Variants in CNTNAP2 observed in about 807,000 individuals in gnomAD.
The protein encoded by CNTNAP2 is contactin-associated protein-like 2.
In CNTNAP2, 98 loss-of-function variants were observed where a neutral mutation model predicts 155.2. The observed-to-expected ratio is 0.63, with a 90% CI of 0.54 to 0.75. CNTNAP2 has a LOEUF of 0.75. Among genes scored for constraint, CNTNAP2 ranks in the 30% least tolerant of loss-of-function variants. CNTNAP2 has a pLI of 0.00. For missense variants in CNTNAP2, 1,727 were observed against 1,688.1 expected (o/e 1.02, Z -0.40); for synonymous variants, 651 against 631.2 (o/e 1.03, Z -0.47).
At chr7:146,478,537 G>A (rs1338183236) in intron 1 of CNTNAP2, among the ~76,000 whole-genome samples, 1 of 151,826 alleles carries the variant, frequency 6.6e-6, no homozygotes, top group Admixed American at 6.6e-5. Context: ...AGGTTAATTT[G>A]ACTAAATATA....
At position 147,872,008 on chromosome 7, in the gene CNTNAP2, C is replaced by T. The variant is rs148768554; in HGVS notation, c.2099-31557C>T. Among the ~76,000 whole-genome samples the T allele has an allele frequency of 5.1e-3, 769 of 152,206 alleles. 1 individual carries two copies. Among genetic ancestry groups the T allele is most frequent in the Middle Eastern group, 0.017 (5 of 294 alleles). On this transcript the variant is annotated intron_variant, in intron 13 of 23. Coordinates refer to ENST00000361727, the MANE Select transcript of CNTNAP2 (RefSeq NM_014141.6). ...TGAGTGAAATTGATTTTTAAATTAC[C>T]ACTGTCCCTAGCAGGAAAAAGCCAG...
At chr7:147,916,570 A>T (rs1239045470) in intron 14 of CNTNAP2, among the ~76,000 whole-genome samples, 1 of 140,196 alleles carries the variant, frequency 7.1e-6, no homozygotes, top group African/African-American at 2.8e-5. Flanking sequence ...CAGAACTAAG[A>T]TTCAAAAGAG....
At chr7:147,396,351 T>C (rs1247120883) in intron 10 of CNTNAP2, among the ~76,000 whole-genome samples, 3 of 151,784 alleles carry the variant, frequency 2.0e-5, no homozygotes, top group Non-Finnish European at 4.4e-5. Flanking sequence ...CTTCTCTTTC[T>C]GTCTCAATCA....
intron 13 of CNTNAP2, among the ~76,000 whole-genome samples, chr7:147,895,485 C>T (rs988237670): frequency 5.9e-5 from 9 of 152,166 alleles, no homozygotes; most frequent in African/African-American, 2.2e-4. Flanking sequence ...TAATTTAGCT[C>T]TAGTTAACTT....
chr7:147,252,186 A>C (rs1187066300), intron 8 of CNTNAP2, among the ~76,000 whole-genome samples: 4 of 152,172 alleles, frequency 2.6e-5, no homozygotes, highest in Admixed American at 2.6e-4. Context: ...TGGTGGGGAG[A>C]GGTCATACAA....
intron 13 of CNTNAP2, among the ~76,000 whole-genome samples, chr7:147,794,500 A>C (rs1797862245): frequency 6.6e-6 from 1 of 151,972 alleles, no homozygotes; most frequent in South Asian, 2.1e-4. Flanking sequence ...CATTTTATTC[A>C]TGAGATATGA....
intron 11 of CNTNAP2, among the ~76,000 whole-genome samples, chr7:147,527,555 T>C (rs910724707): frequency 1.3e-5 from 2 of 152,230 alleles, no homozygotes; most frequent in Non-Finnish European, 2.9e-5. Context: ...GTTGAATTTT[T>C]AAAATGTATT....
chr7:147,095,979 C>A (rs1426726943), intron 4 of CNTNAP2, among the ~76,000 whole-genome samples: 1 of 152,114 alleles, frequency 6.6e-6, no homozygotes. Context: ...AGTAAATGCA[C>A]CTTTTTCTTT....
chr7:146,606,506 A>C (rs1429765316), intron 1 of CNTNAP2, among the ~76,000 whole-genome samples: 1 of 152,158 alleles, frequency 6.6e-6, no homozygotes, highest in African/African-American at 2.4e-5. Flanking sequence ...AAGATTGAAA[A>C]ATTTCAGTCA....
chr7:146,503,711 T>A (rs982698416), intron 1 of CNTNAP2, among the ~76,000 whole-genome samples: 3 of 152,220 alleles, frequency 2.0e-5, no homozygotes, highest in Non-Finnish European at 4.4e-5. Flanking sequence ...CTAATGTGTG[T>A]TCTTGGTGCC....
intron 11 of CNTNAP2, among the ~76,000 whole-genome samples, chr7:147,497,525 C>T (rs1183364830): frequency 1.3e-5 from 2 of 152,156 alleles, no homozygotes; most frequent in African/African-American, 4.8e-5. Flanking sequence ...GCCAAGTGAG[C>T]CCATCCAACT....
At chr7:147,725,649 G>T (rs1241195099) in intron 13 of CNTNAP2, among the ~76,000 whole-genome samples, 1 of 152,036 alleles carries the variant, frequency 6.6e-6, no homozygotes, top group Non-Finnish European at 1.5e-5. Context: ...AACTGTGAAC[G>T]TGATTTCCCC....
chr7:148,195,861 C>A (rs1226689490), intron 18 of CNTNAP2, among the ~76,000 whole-genome samples: 2 of 151,888 alleles, frequency 1.3e-5, no homozygotes, highest in Non-Finnish European at 2.9e-5. Flanking sequence ...ATTTCCTGAG[C>A]AATTGAACCA....
At chr7:147,313,986 G>T (rs1795177187) in intron 9 of CNTNAP2, among the ~76,000 whole-genome samples, 1 of 151,944 alleles carries the variant, frequency 6.6e-6, no homozygotes, top group African/African-American at 2.4e-5. Flanking sequence ...CACGTCCCTT[G>T]TAAGTTGGAT....
rs532820418 is a variant in CNTNAP2, at chr7:146,760,409, C to CTT, written c.98-13830_98-13829dup. 3.6e-3 allele frequency among the ~76,000 whole-genome samples: 204 copies of CTT among 56,296 alleles called. 15 individuals carry two copies. The highest frequency in any genetic ancestry group is 0.013 in the Middle Eastern group (1 of 80). 36.9% of individuals were successfully genotyped at this position (56,296 alleles called of 152,430 possible). ...CACCTCTGTATCATCTCCAATTTAC[C>CTT]TTTTTTTTTTTTTTTTTTTTTTTTT... is the stretch of plus-strand genomic sequence containing the variant. On this transcript the variant is annotated intron_variant, in intron 1 of 23. Transcript: ENST00000361727.
At chr7:147,770,128 C>T (rs1396323537) in intron 13 of CNTNAP2, among the ~76,000 whole-genome samples, 2 of 152,126 alleles carry the variant, frequency 1.3e-5, no homozygotes, top group East Asian at 3.9e-4. Context: ...ATTTGTAGTT[C>T]AATTCCTTAT....
intron 3 of CNTNAP2, among the ~76,000 whole-genome samples, chr7:146,856,677 C>T (rs117747944): frequency 0.029 from 4,381 of 152,184 alleles, 87 homozygotes; most frequent in Middle Eastern, 0.045. Context: ...AGATGAGAAG[C>T]AGACACTGTG....
At chr7:147,254,180 T>C (rs1300041276) in intron 8 of CNTNAP2, among the ~76,000 whole-genome samples, 1 of 152,178 alleles carries the variant, frequency 6.6e-6, no homozygotes, top group Non-Finnish European at 1.5e-5. Flanking sequence ...CAGTCTGTTC[T>C]CATGGAGTCA....
intron 1 of CNTNAP2, among the ~76,000 whole-genome samples, chr7:146,459,387 G>T (rs1396458995): frequency 6.6e-6 from 1 of 152,144 alleles, no homozygotes; most frequent in Non-Finnish European, 1.5e-5. Flanking sequence ...CCCTCAGGTA[G>T]CTCCAATTGC....
Sources: gnomAD v4.1 joint callset for allele counts (sites outside exome capture counted in the v4.1 genomes callset) on GRCh38, gnomAD v4.1.1 for gene constraint, MANE v1.5 for transcripts, NCBI Gene and HGNC (gene_info 2026-07-23, HGNC 2026-07-21) for gene names.